The following PIK3C2G variants were observed in gnomAD, a reference collection of about 807,000 sequenced individuals.
The protein encoded by PIK3C2G is phosphatidylinositol-4-phosphate 3-kinase catalytic subunit type 2 gamma, also known as phosphatidylinositol 3-kinase C2 domain-containing subunit gamma.
In PIK3C2G, 168 loss-of-function variants were observed where a neutral mutation model predicts 181.1. The ratio of observed to expected loss-of-function variants is 0.93; its 90% CI spans 0.82 to 1.05. PIK3C2G has a LOEUF of 1.05. PIK3C2G is among the 50% of genes least tolerant of loss of function. PIK3C2G has a pLI of 0.00. For missense variants in PIK3C2G, 1,869 were observed against 1,732.8 expected (o/e 1.08, Z -1.40); for synonymous variants, 573 against 592.2 (o/e 0.97, Z 0.47).
intron 16 of PIK3C2G, among the ~76,000 whole-genome samples, chr12:18,411,392 A>C (rs1944862890): frequency 6.6e-6 from 1 of 152,160 alleles, no homozygotes; most frequent in African/African-American, 2.4e-5. Context: ...AGATTAAACT[A>C]GGTCTCAAGT....
chr12:18,428,130 G>T (rs1481597458), intron 18 of PIK3C2G, among the ~76,000 whole-genome samples: 1 of 151,566 alleles, frequency 6.6e-6, no homozygotes. Flanking sequence ...TAAGAATCAG[G>T]CAACATGCAC....
chr12:18,550,891 C>T (rs1024047008), intron 26 of PIK3C2G, among the ~76,000 whole-genome samples: 1 of 152,044 alleles, frequency 6.6e-6, no homozygotes, highest in African/African-American at 2.4e-5. Flanking sequence ...AGGGCTGCCC[C>T]TCTTGACCCT....
In PIK3C2G at chr12:18,440,814, G is replaced by T. The variant is rs528856150; in HGVS notation, c.2504+16775G>T. 2.6e-5 allele frequency among the ~76,000 whole-genome samples: 4 copies of T among 152,018 alleles called. No individual in the cohort carries two copies. In the East Asian group the frequency reaches 5.8e-4, roughly 22 times the overall value. ...ATTAGAGGGCTCTGAGAAGATGAAA[G>T]GCACAATTTGGCTTATATTATCAAG... On this transcript the variant is annotated intron_variant, in intron 18 of 32. Coordinates refer to ENST00000538779, the MANE Select transcript of PIK3C2G (RefSeq NM_001288772.2).
intron 26 of PIK3C2G, among the ~76,000 whole-genome samples, chr12:18,562,192 C>T (rs1310565844): frequency 1.3e-5 from 2 of 152,192 alleles, no homozygotes; most frequent in Non-Finnish European, 2.9e-5. Flanking sequence ...AGTGCAGCCG[C>T]AGGATCTCGG....
At chr12:18,313,541 G>T (rs1440670193) in intron 5 of PIK3C2G, among the ~76,000 whole-genome samples, 2 of 151,924 alleles carry the variant, frequency 1.3e-5, no homozygotes, top group Admixed American at 1.3e-4. Flanking sequence ...TCTCCACACA[G>T]ACATAATGGC....
the PIK3C2G span, among the ~76,000 whole-genome samples, chr12:18,700,543 C>T: frequency 3.9e-5 from 3 of 77,250 alleles, no homozygotes; most frequent in Non-Finnish European, 9.7e-5. Flanking sequence ...AAAATAGTTG[C>T]TCTGCCAAGA....
chr12:18,667,545 CTTTTT>C, the PIK3C2G span, among the ~76,000 whole-genome samples: 1 of 152,070 alleles, frequency 6.6e-6, no homozygotes, highest in Non-Finnish European at 1.5e-5. Flanking sequence ...ATATTTAAGA[CTTTTT>C]TTCTTCTATT....
At chr12:18,298,830 C>T (rs1950056610) in intron 5 of PIK3C2G, among the ~76,000 whole-genome samples, 1 of 151,828 alleles carries the variant, frequency 6.6e-6, no homozygotes, top group South Asian at 2.1e-4. Context: ...TTGTCCTCAA[C>T]ATCTTTGTCA....
chr12:18,409,575 C>G (rs186415995), intron 16 of PIK3C2G, among the ~76,000 whole-genome samples: 1 of 152,146 alleles, frequency 6.6e-6, no homozygotes, highest in East Asian at 1.9e-4. Flanking sequence ...AAATAAGCTT[C>G]CTGTTAGGAA....
At position 18,282,546 on chromosome 12, in the gene PIK3C2G, T is replaced by A. The variant is rs1355601970; in HGVS notation, c.465T>A (p.Asn155Lys). The A allele has an allele frequency of 6.2e-7, 1 of 1,610,966 alleles. No individual in the cohort carries two copies. The highest frequency in any genetic ancestry group is 8.5e-7 in the Non-Finnish European group (1 of 1,177,748). The change falls in exon 2 of 33, where the codon AAT (asparagine) becomes AAA (lysine). Residue 155 changes from asparagine to lysine, a missense_variant. Transcript: ENST00000538779. ...CATTCACAAGTTTGGATAAAATTAATCTAGAGAAAGAATTAGAAAATGAAA... is the reference window on the plus strand; with the variant it reads ...CATTCACAAGTTTGGATAAAATTAAACTAGAGAAAGAATTAGAAAATGAAA... ...APSFTSLDKI[N>K]LEKELENENH...
At chr12:18,590,118 T>C (rs751034237) in intron 29 of PIK3C2G, among the ~76,000 whole-genome samples, 23 of 64,950 alleles carry the variant, frequency 3.5e-4, no homozygotes, top group Non-Finnish European at 8.4e-4. Flanking sequence ...AAATTCAGAG[T>C]TTTTTTTTTT....
the PIK3C2G span, among the ~76,000 whole-genome samples, chr12:18,664,027 A>C: frequency 0.4 from 60,804 of 152,010 alleles, 14,339 homozygotes; most frequent in South Asian, 0.59. Context: ...TTGAAAATGC[A>C]AATCAAAACT....
At chr12:18,256,934 T>C (rs991392442), upstream of PIK3C2G, among the ~76,000 whole-genome samples, 1 of 152,028 alleles carries the variant, frequency 6.6e-6, no homozygotes, top group Non-Finnish European at 1.5e-5. Flanking sequence ...AAAATTTATG[T>C]CTCACTAAAT....
At chr12:18,699,749 CT>C in the PIK3C2G span, 1 of 1,557,582 alleles carries the variant, frequency 6.4e-7, no homozygotes, top group Non-Finnish European at 8.9e-7. Context: ...AGCAGTGAAT[CT>C]AACTCATTTA....
chr12:18,679,261 T>C, the PIK3C2G span, among the ~76,000 whole-genome samples: 1 of 152,026 alleles, frequency 6.6e-6, no homozygotes, highest in African/African-American at 2.4e-5. Flanking sequence ...ATTTTCATTA[T>C]GATGTATTCA....
chr12:18,387,820 A>T (rs555919154), intron 14 of PIK3C2G, among the ~76,000 whole-genome samples: 25 of 152,364 alleles, frequency 1.6e-4, no homozygotes, highest in Non-Finnish European at 2.8e-4. Context: ...AATTAATGAT[A>T]TGTATCCATA....
intron 1 of PIK3C2G, among the ~76,000 whole-genome samples, chr12:18,250,925 TTAAC>T (rs937136997): frequency 2.0e-5 from 3 of 151,974 alleles, no homozygotes; most frequent in Non-Finnish European, 4.4e-5. Flanking sequence ...AATCAGATAA[TTAAC>T]TATAGAAATT....
chr12:18,463,620 C>T (rs760550360), intron 18 of PIK3C2G, among the ~76,000 whole-genome samples: 1 of 152,130 alleles, frequency 6.6e-6, no homozygotes, highest in African/African-American at 2.4e-5. Context: ...TTAATGAGCA[C>T]GGGTAGTTTA....
At chr12:18,721,236 A>C in the PIK3C2G span, among the ~76,000 whole-genome samples, 1 of 152,144 alleles carries the variant, frequency 6.6e-6, no homozygotes, top group Non-Finnish European at 1.5e-5. Flanking sequence ...AGTTTGAAAT[A>C]AGGATTAATC....
Sources: allele counts gnomAD v4.1 joint callset (sites outside exome capture counted in the v4.1 genomes callset), GRCh38; gene constraint gnomAD v4.1.1; transcripts MANE v1.5; gene names NCBI Gene and HGNC (gene_info 2026-07-23, HGNC 2026-07-21).